The following ZBTB20 variants were observed in gnomAD, a reference collection of about 807,000 sequenced individuals.
ZBTB20 encodes zinc finger and BTB domain-containing protein 20.
Under a neutral mutation model 56.9 loss-of-function variants are expected in ZBTB20, and 9 were observed. The ratio of observed to expected loss-of-function variants is 0.16; its 90% CI spans 0.10 to 0.28. The LOEUF is 0.28. Among genes scored for constraint, ZBTB20 ranks in the 10% least tolerant of loss-of-function variants. The pLI is 1.00. For synonymous variants in ZBTB20, 417 were observed against 420.7 expected (o/e 0.99, Z 0.11); for missense variants, 655 against 1,003.0 (o/e 0.65, Z 4.69).
At chr3:114,592,879 A>G (rs1274144797) in intron 6 of ZBTB20, among the ~76,000 whole-genome samples, 1 of 152,112 alleles carries the variant, frequency 6.6e-6, no homozygotes, top group African/African-American at 2.4e-5. Context: ...TACATTCACA[A>G]TCTATTCTAC....
At chr3:115,145,754 T>C (rs1040510666) in intron 1 of ZBTB20, among the ~76,000 whole-genome samples, 4 of 152,298 alleles carry the variant, frequency 2.6e-5, no homozygotes, top group Non-Finnish European at 4.4e-5. Flanking sequence ...ATTGGGAGCA[T>C]GAACAGAAAT....
chr3:115,097,242 G>T lies in ZBTB20; in HGVS notation c.-702-25828C>A, dbSNP rs938964634. On this transcript the variant is annotated intron_variant, in intron 1 of 11. Coordinates refer to ENST00000675478, the MANE Select transcript of ZBTB20 (RefSeq NM_001348800.3). The stretch of plus-strand genomic sequence containing the variant: ...TCACCAGGCTGCAGTGCAGTGGCAC[G>T]ATCTCGGCTCACTACAACCTCCACC... Among the ~76,000 whole-genome samples, 2 of 152,182 alleles carry T rather than the reference G, an allele frequency of 1.3e-5. 1 individual carries two copies. Among genetic ancestry groups the T allele is most frequent in the South Asian group, 4.1e-4 (2 of 4,828 alleles).
At chr3:115,122,674 C>A (rs950355656) in intron 1 of ZBTB20, among the ~76,000 whole-genome samples, 1 of 152,020 alleles carries the variant, frequency 6.6e-6, no homozygotes, top group African/African-American at 2.4e-5. Flanking sequence ...TGAAGACTTT[C>A]TATATATTAA....
intron 6 of ZBTB20, among the ~76,000 whole-genome samples, chr3:114,631,382 CT>C (rs66470152): frequency 4.0e-4 from 20 of 49,824 alleles, no homozygotes; most frequent in South Asian, 2.2e-3. Context: ...ATAGGTTATT[CT>C]TTTTTTTTTT....
chr3:115,059,490 C>T (rs978099315), intron 2 of ZBTB20, among the ~76,000 whole-genome samples: 2 of 152,262 alleles, frequency 1.3e-5, no homozygotes, highest in Non-Finnish European at 2.9e-5. Context: ...ACTTCCAATC[C>T]GCGAAAGCTC....
chr3:114,818,005 C>T (rs1404320108), intron 4 of ZBTB20, among the ~76,000 whole-genome samples: 1 of 152,056 alleles, frequency 6.6e-6, no homozygotes, highest in Non-Finnish European at 1.5e-5. Flanking sequence ...AAATGAAACC[C>T]CAATGACAGC....
chr3:114,484,944 A>C (rs143712471), intron 7 of ZBTB20, among the ~76,000 whole-genome samples: 1,782 of 152,332 alleles, frequency 0.012, 20 homozygotes, highest in Non-Finnish European at 0.018. Flanking sequence ...ATAATATAAT[A>C]GCTCAGGTCT....
intron 5 of ZBTB20, among the ~76,000 whole-genome samples, chr3:114,731,910 A>G (rs2065791335): frequency 6.6e-6 from 1 of 151,412 alleles, no homozygotes; most frequent in Non-Finnish European, 1.5e-5. Context: ...TGCCTAGATT[A>G]GTTACTAATC....
chr3:114,897,611 CA>C (rs147733766), intron 4 of ZBTB20, among the ~76,000 whole-genome samples: 2,067 of 152,098 alleles, frequency 0.014, 15 homozygotes, highest in Middle Eastern at 0.024. Flanking sequence ...AATATTCTAG[CA>C]AATATATATT....
intron 6 of ZBTB20, among the ~76,000 whole-genome samples, chr3:114,573,002 T>A (rs916994948): frequency 1.3e-5 from 2 of 152,232 alleles, no homozygotes; most frequent in Non-Finnish European, 2.9e-5. Flanking sequence ...AATGCTATTA[T>A]TAGATTTGCA....
chr3:114,865,697 C>T (rs959556977), intron 4 of ZBTB20, among the ~76,000 whole-genome samples: 2 of 152,274 alleles, frequency 1.3e-5, no homozygotes, highest in East Asian at 1.9e-4. Context: ...TAGTGCTTCA[C>T]TAGATTTCAT....
At chr3:114,998,044 G>A (rs2079096656) in intron 2 of ZBTB20, among the ~76,000 whole-genome samples, 1 of 151,730 alleles carries the variant, frequency 6.6e-6, no homozygotes, top group Non-Finnish European at 1.5e-5. Context: ...ACTATAAATA[G>A]TGAAATGATT....
chr3:115,139,497 C>T (rs1377739887), intron 1 of ZBTB20, among the ~76,000 whole-genome samples: 1 of 151,992 alleles, frequency 6.6e-6, no homozygotes, highest in Non-Finnish European at 1.5e-5. Flanking sequence ...CCTACCTTAT[C>T]TTCCTTCCTA....
chr3:114,710,432 G>T (rs979833468), intron 5 of ZBTB20: 16 of 152,218 alleles, frequency 1.1e-4, no homozygotes, highest in African/African-American at 3.9e-4. Context: ...ATTTGGAAAA[G>T]AATTTCAAAT....
chr3:114,887,677 G>A (rs1436665473), intron 4 of ZBTB20, among the ~76,000 whole-genome samples: 1 of 152,138 alleles, frequency 6.6e-6, no homozygotes, highest in African/African-American at 2.4e-5. Flanking sequence ...TGGCCCTGCT[G>A]CATTTTGATT....
intron 6 of ZBTB20, among the ~76,000 whole-genome samples, chr3:114,502,405 A>T (rs1034968643): frequency 1.3e-5 from 2 of 152,178 alleles, no homozygotes; most frequent in African/African-American, 4.8e-5. Flanking sequence ...GTCAATGTGA[A>T]ACCTTGCTCA....
At chr3:115,136,131 A>G (rs1425616568) in intron 1 of ZBTB20, among the ~76,000 whole-genome samples, 1 of 152,106 alleles carries the variant, frequency 6.6e-6, no homozygotes, top group East Asian at 1.9e-4. Flanking sequence ...TACCTGACAC[A>G]TTTCTTTTCT....
At chr3:114,918,964 A>G (rs1020626352) in intron 3 of ZBTB20, among the ~76,000 whole-genome samples, 17 of 152,242 alleles carry the variant, frequency 1.1e-4, no homozygotes, top group Admixed American at 2.0e-4. Context: ...CTTGTGGCTC[A>G]GACTGCCTTA....
chr3:114,479,810 T>C (rs988325013), intron 7 of ZBTB20, among the ~76,000 whole-genome samples: 19 of 152,122 alleles, frequency 1.2e-4, no homozygotes, highest in African/African-American at 3.9e-4. Flanking sequence ...CTGAAACAAA[T>C]AGAAAACAAA....
Sources: gnomAD v4.1 joint callset for allele counts (sites outside exome capture counted in the v4.1 genomes callset) on GRCh38, gnomAD v4.1.1 for gene constraint, MANE v1.5 for transcripts, NCBI Gene and HGNC (gene_info 2026-07-23, HGNC 2026-07-21) for gene names.